Variants in PTPRD observed in about 807,000 individuals in gnomAD.
PTPRD encodes the protein receptor-type tyrosine-protein phosphatase delta.
A neutral mutation model predicts 214.5 loss-of-function variants in PTPRD; 34 were observed. That is an observed-to-expected ratio of 0.16 (90% CI 0.12 to 0.21). PTPRD has a LOEUF of 0.21. Ranked by LOEUF, PTPRD falls within the 10% of genes least tolerant of loss-of-function variation. The pLI, the probability that PTPRD is intolerant of heterozygous loss-of-function variation, is 1.00. For missense variants in PTPRD, 2,545 were observed against 2,398.7 expected (o/e 1.06, Z -1.27); for synonymous variants, 1,128 against 845.7 (o/e 1.33, Z -5.79).
intron 7 of PTPRD, among the ~76,000 whole-genome samples, chr9:9,664,590 T>C (rs1165420126): frequency 1.3e-5 from 2 of 151,708 alleles, no homozygotes; most frequent in Admixed American, 1.3e-4. Context: ...AGCTCTTTTG[T>C]TAGACAGTTC....
chr9:10,470,804 A>C (rs538267682), intron 2 of PTPRD, among the ~76,000 whole-genome samples: 4 of 152,170 alleles, frequency 2.6e-5, no homozygotes, highest in Non-Finnish European at 5.9e-5. Context: ...TCTCAAAAGG[A>C]AACAGGAGTG....
intron 11 of PTPRD, among the ~76,000 whole-genome samples, chr9:9,002,237 T>C (rs972469091): frequency 6.6e-6 from 1 of 151,686 alleles, no homozygotes; most frequent in African/African-American, 2.4e-5. Context: ...AAAAAACTAT[T>C]TACCCAAGAT....
chr9:8,765,142 A>C (rs1188797978), intron 11 of PTPRD, among the ~76,000 whole-genome samples: 1 of 152,166 alleles, frequency 6.6e-6, no homozygotes, highest in African/African-American at 2.4e-5. Flanking sequence ...CCAAATGCTA[A>C]ATACGATTTA....
chr9:8,430,149 G>C (rs2094944599), intron 35 of PTPRD, among the ~76,000 whole-genome samples: 2 of 152,172 alleles, frequency 1.3e-5, no homozygotes, highest in African/African-American at 4.8e-5. Context: ...TGTGATTTGG[G>C]ACAGTATTTC....
At chr9:9,131,804 G>A (rs567809809) in intron 10 of PTPRD, among the ~76,000 whole-genome samples, 1 of 152,314 alleles carries the variant, frequency 6.6e-6, no homozygotes, top group Admixed American at 6.5e-5. Flanking sequence ...ATATGGAGAT[G>A]AATGTACGTA....
At chr9:9,596,547 T>C (rs2093365705) in intron 7 of PTPRD, among the ~76,000 whole-genome samples, 1 of 152,002 alleles carries the variant, frequency 6.6e-6, no homozygotes, top group African/African-American at 2.4e-5. Context: ...TTTGTGATTT[T>C]AGCAATGTTT....
chr9:10,018,293 T>C (rs1330235282), intron 4 of PTPRD, among the ~76,000 whole-genome samples: 1 of 151,974 alleles, frequency 6.6e-6, no homozygotes. Context: ...ATTTTTCCCT[T>C]TCTATCTCTT....
At chr9:8,324,263 C>A (rs945723935) in intron 44 of PTPRD, among the ~76,000 whole-genome samples, 1 of 152,090 alleles carries the variant, frequency 6.6e-6, no homozygotes, top group African/African-American at 2.4e-5. Flanking sequence ...CCCCCACCCC[C>A]TGGCAGGCCC....
intron 12 of PTPRD, among the ~76,000 whole-genome samples, chr9:8,643,680 G>C (rs1346207037): frequency 6.6e-6 from 1 of 152,224 alleles, no homozygotes; most frequent in African/African-American, 2.4e-5. Flanking sequence ...GGTGCTGTCA[G>C]CCTGACTGAG....
At chr9:8,580,763 T>G (rs538810191) in intron 14 of PTPRD, among the ~76,000 whole-genome samples, 2 of 152,300 alleles carry the variant, frequency 1.3e-5, no homozygotes, top group Admixed American at 6.5e-5. Context: ...GCTATTTGTA[T>G]GTACTCACGC....
At chr9:8,756,818 G>A (rs910563540) in intron 11 of PTPRD, among the ~76,000 whole-genome samples, 3 of 152,032 alleles carry the variant, frequency 2.0e-5, no homozygotes, top group Admixed American at 1.3e-4. Context: ...TAGTGATAAA[G>A]CCAAAGAGTT....
chr9:8,585,640 A>G (rs930253461), intron 14 of PTPRD, among the ~76,000 whole-genome samples: 4 of 152,246 alleles, frequency 2.6e-5, no homozygotes, highest in African/African-American at 4.8e-5. Context: ...CAGATTTCTT[A>G]GTATCCTTTA....
intron 6 of PTPRD, among the ~76,000 whole-genome samples, chr9:9,758,287 T>G (rs2098608810): frequency 6.6e-6 from 1 of 152,134 alleles, no homozygotes; most frequent in African/African-American, 2.4e-5. Context: ...CTTTTGTATA[T>G]TTTTATTGAT....
At chr9:9,486,149 T>TGAA (rs2095622765) in intron 8 of PTPRD, among the ~76,000 whole-genome samples, 1 of 7,188 alleles carries the variant, frequency 1.4e-4, no homozygotes, top group Non-Finnish European at 2.2e-4. Flanking sequence ...AGACTCTCTC[T>TGAA]CAAAAAAAAA....
At chr9:10,368,253 A>G (rs1033370800) in intron 2 of PTPRD, among the ~76,000 whole-genome samples, 2 of 152,070 alleles carry the variant, frequency 1.3e-5, no homozygotes, top group Non-Finnish European at 2.9e-5. Context: ...ATTTACTTAG[A>G]AAAAAAGAGA....
intron 9 of PTPRD, among the ~76,000 whole-genome samples, chr9:9,362,352 A>G (rs949369841): frequency 2.0e-5 from 3 of 151,170 alleles, no homozygotes; most frequent in South Asian, 2.1e-4. Context: ...TAGGAAACAT[A>G]CGTAAGGTTT....
At chr9:10,377,155 G>A (rs1396869500) in intron 2 of PTPRD, among the ~76,000 whole-genome samples, 1 of 151,742 alleles carries the variant, frequency 6.6e-6, no homozygotes, top group Non-Finnish European at 1.5e-5. Context: ...GAAATGTGAT[G>A]TTTGTCTTTC....
At chr9:9,979,515 C>A (rs934006666) in intron 4 of PTPRD, among the ~76,000 whole-genome samples, 1 of 151,482 alleles carries the variant, frequency 6.6e-6, no homozygotes, top group African/African-American at 2.4e-5. Flanking sequence ...AATAAAAAAT[C>A]AACACAATTA....
intron 13 of PTPRD, 121 bp downstream of exon 13, chr9:8,636,578 T>C (rs956511256): frequency 7.4e-6 from 9 of 1,219,236 alleles, no homozygotes; most frequent in Non-Finnish European, 2.3e-6. Flanking sequence ...TCACTTGCAA[T>C]GTAAGGAATA....
Sources: gnomAD v4.1 joint callset for allele counts (sites outside exome capture counted in the v4.1 genomes callset) on GRCh38, gnomAD v4.1.1 for gene constraint, MANE v1.5 for transcripts, NCBI Gene and HGNC (gene_info 2026-07-23, HGNC 2026-07-21) for gene names.